Variants in IGF2BP2 observed in about 807,000 individuals in gnomAD.
IGF2BP2 encodes the protein insulin like growth factor 2 mRNA binding protein 2, also known as insulin-like growth factor 2 mRNA-binding protein 2.
A neutral mutation model predicts 75.8 loss-of-function variants in IGF2BP2; 17 were observed. That is an observed-to-expected ratio of 0.22 (90% CI 0.15 to 0.34). The LOEUF is 0.34. IGF2BP2 is among the 10% of genes least tolerant of loss of function. IGF2BP2 has a pLI of 1.00. For synonymous variants in IGF2BP2, 288 were observed against 295.6 expected, an observed-to-expected ratio of 0.97 and a Z score of 0.26; for missense variants, 516 against 772.4, an observed-to-expected ratio of 0.67 and a Z score of 3.93.
intron 1 of IGF2BP2, 62 bp from the exon 2 acceptor site, chr3:185,823,275 G>A: frequency 5.2e-6 from 7 of 1,334,040 alleles, no homozygotes; most frequent in Middle Eastern, 3.7e-4. Context: ...GGGGTCTAGG[G>A]GGGGCACGCA....
intron 2 of IGF2BP2, among the ~76,000 whole-genome samples, chr3:185,803,780 C>A (rs1738598962): frequency 6.6e-6 from 1 of 152,140 alleles, no homozygotes. Flanking sequence ...GGTACTCATT[C>A]AACAAAGGAA....
chr3:185,738,682 T>C (rs1729156739), intron 2 of IGF2BP2, among the ~76,000 whole-genome samples: 3 of 152,248 alleles, frequency 2.0e-5, no homozygotes, highest in Non-Finnish European at 1.5e-5. Flanking sequence ...CTCTATCATT[T>C]ACAGTTGCAT....
chr3:185,801,951 G>A lies in IGF2BP2; in HGVS notation c.239+21202C>T, dbSNP rs140832635. On this transcript the variant is annotated intron_variant, in intron 2 of 15. Coordinates refer to ENST00000382199, the MANE Select transcript of IGF2BP2 (RefSeq NM_006548.6). ...AAACACCACCTGTTCTCACTCATAA[G>A]TGGGAGTTGAATGAGAACACGTGGA... Among the ~76,000 whole-genome samples the A allele has an allele frequency of 7.4e-3, 1,120 of 152,092 alleles. 17 individuals carry two copies. Among genetic ancestry groups the A allele is most frequent in the African/African-American group, 0.025 (1,054 of 41,484 alleles).
At chr3:185,713,499 T>A (rs377526495) in intron 2 of IGF2BP2, 1 of 519,732 alleles carries the variant, frequency 1.9e-6, no homozygotes, top group Non-Finnish European at 3.9e-6. Flanking sequence ...GTAAGTAAGA[T>A]AGACTCCAAA....
chr3:185,820,235 TAC>T (rs202064714), intron 2 of IGF2BP2, among the ~76,000 whole-genome samples: 16,612 of 102,362 alleles, frequency 0.16, 1,039 homozygotes, highest in South Asian at 0.21. Flanking sequence ...TATATACACA[TAC>T]ACACACACAC....
At chr3:185,728,920 C>A (rs999306265) in intron 2 of IGF2BP2, 1 of 152,148 alleles carries the variant, frequency 6.6e-6, no homozygotes, top group African/African-American at 2.4e-5. Flanking sequence ...CCTTGTTTAT[C>A]GTGTTAGTAT....
intron 2 of IGF2BP2, among the ~76,000 whole-genome samples, chr3:185,808,737 T>C (rs1243436844): frequency 4.0e-5 from 6 of 151,344 alleles, no homozygotes; most frequent in Non-Finnish European, 7.4e-5. Flanking sequence ...TTTTTTTTTT[T>C]TTATCATTTT....
intron 7 of IGF2BP2, among the ~76,000 whole-genome samples, chr3:185,676,951 TG>T (rs1483479276): frequency 1.4e-5 from 2 of 140,656 alleles, no homozygotes; most frequent in Non-Finnish European, 3.0e-5. Flanking sequence ...CATATATATA[TG>T]GAGATATATA....
At chr3:185,772,043 A>G (rs1159278790) in intron 2 of IGF2BP2, among the ~76,000 whole-genome samples, 2 of 152,124 alleles carry the variant, frequency 1.3e-5, no homozygotes, top group Admixed American at 6.5e-5. Context: ...AGCTAGCTTG[A>G]TTCTGTTTCT....
chr3:185,713,245 C>A (rs962440144), intron 2 of IGF2BP2: 1 of 352,978 alleles, frequency 2.8e-6, no homozygotes, highest in Admixed American at 3.7e-5. Context: ...GAACTCTGGC[C>A]CATAACTCAG....
At chr3:185,789,292 C>A (rs991062147) in intron 2 of IGF2BP2, among the ~76,000 whole-genome samples, 6 of 152,138 alleles carry the variant, frequency 3.9e-5, no homozygotes, top group African/African-American at 1.4e-4. Context: ...ATCTGTGTGA[C>A]CTCCCTGGGC....
intron 2 of IGF2BP2, among the ~76,000 whole-genome samples, chr3:185,749,128 C>T (rs574270505): frequency 3.3e-4 from 50 of 152,102 alleles, no homozygotes; most frequent in African/African-American, 9.9e-4. Flanking sequence ...CACGCCATTG[C>T]ATTCCAGCCT....
chr3:185,648,589 CT>C (rs950150083), intron 14 of IGF2BP2, among the ~76,000 whole-genome samples: 9 of 152,062 alleles, frequency 5.9e-5, no homozygotes, highest in East Asian at 3.9e-4. Flanking sequence ...AACACTGCTA[CT>C]TTGCCAGCAA....
intron 2 of IGF2BP2, among the ~76,000 whole-genome samples, chr3:185,755,677 T>C (rs572959944): frequency 3.3e-5 from 5 of 152,186 alleles, no homozygotes; most frequent in East Asian, 3.9e-4. Context: ...AAGGATTACA[T>C]TGGAGCTGTA....
chr3:185,722,655 ACTCTGGGAAATGACACCTCAGCTG>A (rs1237304894), intron 2 of IGF2BP2: 2 of 162,520 alleles, frequency 1.2e-5, no homozygotes, highest in African/African-American at 4.8e-5. Context: ...TTACACAGAG[ACTCTGGGAAATGACACCTCAGCTG>A]CTCACAGCTC....
intron 2 of IGF2BP2, among the ~76,000 whole-genome samples, chr3:185,744,654 C>G (rs765340882): frequency 3.3e-5 from 5 of 152,012 alleles, no homozygotes; most frequent in Non-Finnish European, 4.4e-5. Flanking sequence ...CTAAAAAATA[C>G]AAAAATTAGC....
At chr3:185,680,616 A>C (rs1400440637) in intron 7 of IGF2BP2, among the ~76,000 whole-genome samples, 1 of 152,192 alleles carries the variant, frequency 6.6e-6, no homozygotes, top group Non-Finnish European at 1.5e-5. Flanking sequence ...ACCAAGTGGG[A>C]TTTGTTCCTG....
At chr3:185,711,302 A>C (rs1724759176) in intron 2 of IGF2BP2, among the ~76,000 whole-genome samples, 1 of 152,206 alleles carries the variant, frequency 6.6e-6, no homozygotes, top group Non-Finnish European at 1.5e-5. Context: ...AACTATGCAA[A>C]TCCTATTCCT....
At chr3:185,692,852 C>T in intron 4 of IGF2BP2, 90 bp from the exon 5 acceptor site, 2 of 1,093,784 alleles carry the variant, frequency 1.8e-6, no homozygotes, top group Non-Finnish European at 1.4e-6. Flanking sequence ...GAGAAAAATG[C>T]ATAAAACCCT....
Sources: allele counts gnomAD v4.1 joint callset (sites outside exome capture counted in the v4.1 genomes callset), GRCh38; gene constraint gnomAD v4.1.1; transcripts MANE v1.5; gene names NCBI Gene and HGNC (gene_info 2026-07-23, HGNC 2026-07-21).